The following PCDH11X variants were observed in gnomAD, a reference collection of about 807,000 sequenced individuals.
The protein encoded by PCDH11X is protocadherin 11 X-linked.
PCDH11X carries 18 observed loss-of-function variants against 53.3 expected under a neutral mutation model. The observed-to-expected ratio is 0.34, with a 90% confidence interval of 0.23 to 0.50. PCDH11X has a LOEUF of 0.50. Ranked by LOEUF, PCDH11X falls within the 20% of genes least tolerant of loss-of-function variation. The pLI, the probability that PCDH11X is intolerant of heterozygous loss-of-function variation, is 0.98. For synonymous variants in PCDH11X, 279 were observed against 393.3 expected (o/e 0.71, Z 3.44); for missense variants, 570 against 1,032.4 (o/e 0.55, Z 6.14).
chrX:91,913,532 GCTCC>G (rs1941450117), intron 6 of PCDH11X, among the ~76,000 whole-genome samples: 1 of 111,168 alleles, frequency 9.0e-6, no homozygotes, highest in East Asian at 2.9e-4. Context: ...CTCACCCCAT[GCTCC>G]ACAGTGGTCA....
chrX:92,175,734 G>A lies in PCDH11X; in HGVS notation c.3034-25641G>A, dbSNP rs1468142753. On this transcript the variant is annotated intron_variant, in intron 6 of 10. Transcript: ENST00000682573. Reference sequence around the variant, plus strand: ...ATAAAGATATTCTTCCCTGAAAAGAGTATTTGTGTGTGTATACATATATGT... The same window carrying A: ...ATAAAGATATTCTTCCCTGAAAAGAATATTTGTGTGTGTATACATATATGT... Among the ~76,000 whole-genome samples the A allele has an allele frequency of 7.6e-5, 7 of 92,283 alleles. No homozygotes were observed. In the Admixed American group the frequency reaches 7.8e-4, roughly 10 times the overall value. 80.1% of individuals were successfully genotyped at this position (92,283 alleles called of 115,157 possible).
At chrX:92,132,484 C>T (rs1196055590) in intron 6 of PCDH11X, among the ~76,000 whole-genome samples, 8 of 84,003 alleles carry the variant, frequency 9.5e-5, no homozygotes, top group Admixed American at 1.4e-4. Context: ...AGTGTGTGCC[C>T]GTAGTCCCAG....
chrX:92,236,352 T>G (rs1182493470), intron 7 of PCDH11X, among the ~76,000 whole-genome samples: 2 of 111,605 alleles, frequency 1.8e-5, no homozygotes, highest in Admixed American at 1.9e-4. Flanking sequence ...TTTATTTGCA[T>G]TGTGAGAAAA....
chrX:92,075,796 G>A (rs755242785), intron 6 of PCDH11X, among the ~76,000 whole-genome samples: 3 of 111,501 alleles, frequency 2.7e-5, no homozygotes, highest in Non-Finnish European at 5.7e-5. Context: ...AATTCAGTGT[G>A]AATAACTATC....
intron 6 of PCDH11X, among the ~76,000 whole-genome samples, chrX:92,070,609 C>T (rs2063685896): frequency 9.0e-6 from 1 of 110,888 alleles, no homozygotes; most frequent in African/African-American, 3.3e-5. Context: ...TATCCTTAAC[C>T]TTTTGGAGTT....
chrX:92,077,949 T>C (rs1233166479), intron 6 of PCDH11X, among the ~76,000 whole-genome samples: 3 of 110,601 alleles, frequency 2.7e-5, no homozygotes, highest in African/African-American at 9.8e-5. Context: ...AGATTTAGAC[T>C]GTCATATTTT....
intron 6 of PCDH11X, among the ~76,000 whole-genome samples, chrX:92,192,395 T>C (rs1321859431): frequency 8.9e-6 from 1 of 112,194 alleles, no homozygotes; most frequent in African/African-American, 3.2e-5. Flanking sequence ...CAGGCTGCAG[T>C]GCAGTGGTGT....
chrX:91,931,491 A>C (rs2147839407), intron 6 of PCDH11X, among the ~76,000 whole-genome samples: 1 of 111,095 alleles, frequency 9.0e-6, no homozygotes, highest in East Asian at 2.9e-4. Flanking sequence ...TCCAGCACTA[A>C]AATTGAAAAA....
chrX:92,363,750 C>T (rs113670107), intron 8 of PCDH11X, among the ~76,000 whole-genome samples: 1,923 of 111,186 alleles, frequency 0.017, 23 homozygotes, highest in Non-Finnish European at 0.029. Context: ...AGAGGGAAAT[C>T]TTACAGACAG....
chrX:92,001,906 G>A (rs930102154), intron 6 of PCDH11X, among the ~76,000 whole-genome samples: 2 of 105,713 alleles, frequency 1.9e-5, no homozygotes, highest in African/African-American at 6.9e-5. Flanking sequence ...TTAACTTGAT[G>A]TTATCCCACT....
intron 6 of PCDH11X, among the ~76,000 whole-genome samples, chrX:92,057,838 T>G (rs1602777392): frequency 9.5e-6 from 1 of 104,902 alleles, no homozygotes; most frequent in East Asian, 3.1e-4. Context: ...TTTTACTCAT[T>G]ATGTTGTGGA....
At chrX:92,011,322 T>G (rs2062687595) in intron 6 of PCDH11X, among the ~76,000 whole-genome samples, 1 of 112,170 alleles carries the variant, frequency 8.9e-6, no homozygotes, top group Admixed American at 9.5e-5. Flanking sequence ...GTGGCTAAAC[T>G]AATTGACATT....
chrX:92,423,326 T>TTTTTG (rs1214440807), intron 9 of PCDH11X, among the ~76,000 whole-genome samples: 6 of 97,411 alleles, frequency 6.2e-5, no homozygotes, highest in African/African-American at 2.0e-4. Context: ...GATAGGATTG[T>TTTTTG]TTTTGTTTTG....
At chrX:92,550,689 T>C (rs2074937562) in intron 10 of PCDH11X, among the ~76,000 whole-genome samples, 2 of 107,854 alleles carry the variant, frequency 1.9e-5, no homozygotes, top group Admixed American at 2.0e-4. Context: ...TAATTCTTTC[T>C]AACTATTTTT....
intron 6 of PCDH11X, among the ~76,000 whole-genome samples, chrX:91,997,402 T>C (rs1306534754): frequency 1.8e-5 from 2 of 111,659 alleles, no homozygotes; most frequent in African/African-American, 6.5e-5. Context: ...CTTCTATATC[T>C]AATTTATTGA....
intron 7 of PCDH11X, among the ~76,000 whole-genome samples, chrX:92,230,455 T>TATATATTTATATATAATTTATA (rs2067048731): frequency 1.2e-5 from 1 of 85,309 alleles, no homozygotes; most frequent in South Asian, 4.9e-4. Flanking sequence ...TATATATAAT[T>TATATATTTATATATAATTTATA]TATAAAATAT....
chrX:91,823,618 C>T (rs1469679455), intron 4 of PCDH11X, among the ~76,000 whole-genome samples: 1 of 111,617 alleles, frequency 9.0e-6, no homozygotes, highest in Non-Finnish European at 1.9e-5. Flanking sequence ...TGGATCTTGA[C>T]TCTTTATCCA....
chrX:91,914,826 C>T (rs1047517440), intron 6 of PCDH11X, among the ~76,000 whole-genome samples: 3 of 111,445 alleles, frequency 2.7e-5, no homozygotes, highest in East Asian at 2.8e-4. Flanking sequence ...CTTATTTGAG[C>T]GAATAATTGA....
At chrX:92,570,481 G>A (rs1442507924) in intron 10 of PCDH11X, among the ~76,000 whole-genome samples, 1 of 110,022 alleles carries the variant, frequency 9.1e-6, no homozygotes, top group Non-Finnish European at 1.9e-5. Context: ...CTGTTACTGA[G>A]GTTGCTCCTT....
Sources: allele counts gnomAD v4.1 joint callset (sites outside exome capture counted in the v4.1 genomes callset), GRCh38; gene constraint gnomAD v4.1.1; transcripts MANE v1.5; gene names NCBI Gene and HGNC (gene_info 2026-07-23, HGNC 2026-07-21).